FMN1: variants seen among roughly 807,000 people sequenced by gnomAD.
FMN1 encodes the protein formin 1.
Under a neutral mutation model 132.4 loss-of-function variants are expected in FMN1, and 110 were observed. The observed-to-expected ratio is 0.83, with a 90% CI of 0.71 to 0.97. FMN1 has a LOEUF of 0.97. FMN1 is among the 50% of genes least tolerant of loss of function. FMN1 has a pLI of 0.00. For synonymous variants in FMN1, 722 were observed against 651.7 expected (o/e 1.11, Z -1.64); for missense variants, 1,792 against 1,705.3 (o/e 1.05, Z -0.90).
chr15:32,889,778 AT>A (rs1286495980), intron 15 of FMN1, among the ~76,000 whole-genome samples: 2 of 151,952 alleles, frequency 1.3e-5, no homozygotes, highest in East Asian at 3.9e-4. Context: ...ATCACCATTA[AT>A]TTTTTTCCCA....
At chr15:32,919,265 T>TA (rs2060760816) in intron 10 of FMN1, among the ~76,000 whole-genome samples, 1 of 152,214 alleles carries the variant, frequency 6.6e-6, no homozygotes, top group Admixed American at 6.5e-5. Flanking sequence ...ACCCCAGATT[T>TA]AAGATAATCC....
At chr15:32,985,887 T>A (rs1213029499) in intron 7 of FMN1, among the ~76,000 whole-genome samples, 1 of 152,142 alleles carries the variant, frequency 6.6e-6, no homozygotes, top group African/African-American at 2.4e-5. Flanking sequence ...CACATTTTAA[T>A]TGGTAAGAAT....
At chr15:32,779,297 G>C (rs2056587719) in intron 19 of FMN1, among the ~76,000 whole-genome samples, 1 of 152,146 alleles carries the variant, frequency 6.6e-6, no homozygotes, top group African/African-American at 2.4e-5. Context: ...CACTTTAAAA[G>C]GGTGAATTTT....
intron 5 of FMN1, among the ~76,000 whole-genome samples, chr15:33,072,966 T>C (rs2038057255): frequency 6.6e-6 from 1 of 151,348 alleles, no homozygotes; most frequent in Non-Finnish European, 1.5e-5. Flanking sequence ...CTAGTAAGTG[T>C]ATACCTAGTG....
chr15:32,973,932 G>C (rs1226557105), intron 7 of FMN1, among the ~76,000 whole-genome samples: 2 of 152,118 alleles, frequency 1.3e-5, no homozygotes, highest in Non-Finnish European at 2.9e-5. Context: ...CAGCTAGAAA[G>C]ACTGGTAATG....
At chr15:32,831,742 GC>G (rs1398434186) in intron 17 of FMN1, among the ~76,000 whole-genome samples, 3 of 142,084 alleles carry the variant, frequency 2.1e-5, no homozygotes, top group Non-Finnish European at 4.6e-5. Flanking sequence ...AAAGAATGCA[GC>G]CTTTTTTTTT....
At chr15:32,790,662 C>T (rs1237543522) in intron 19 of FMN1, among the ~76,000 whole-genome samples, 3 of 152,178 alleles carry the variant, frequency 2.0e-5, no homozygotes, top group African/African-American at 7.2e-5. Context: ...AAACTATCTG[C>T]TTAGGGTGGT....
intron 4 of FMN1, among the ~76,000 whole-genome samples, chr15:33,093,134 CCCATCATA>C (rs1219250239): frequency 1.3e-5 from 2 of 152,200 alleles, no homozygotes; most frequent in African/African-American, 4.8e-5. Context: ...CTCTAATTCT[CCCATCATA>C]CCAAGCCCTC....
At chr15:32,896,932 G>T (rs546054516) in intron 15 of FMN1, among the ~76,000 whole-genome samples, 4 of 152,300 alleles carry the variant, frequency 2.6e-5, no homozygotes, top group African/African-American at 7.2e-5. Flanking sequence ...ATACCCAGAA[G>T]TGAGATTGTC....
intron 3 of FMN1, among the ~76,000 whole-genome samples, chr15:33,164,553 C>T (rs917463000): frequency 6.6e-5 from 10 of 152,178 alleles, no homozygotes; most frequent in East Asian, 3.8e-4. Context: ...ACAAGGTGTG[C>T]GCATTGAAGA....
At chr15:33,100,924 A>C (rs1405677581) in intron 4 of FMN1, among the ~76,000 whole-genome samples, 1 of 152,226 alleles carries the variant, frequency 6.6e-6, no homozygotes, top group African/African-American at 2.4e-5. Context: ...ATACATAAGA[A>C]AATGTTCACA....
At chr15:33,019,377 A>G (rs1025502048) in intron 6 of FMN1, among the ~76,000 whole-genome samples, 7 of 152,170 alleles carry the variant, frequency 4.6e-5, no homozygotes, top group Non-Finnish European at 8.8e-5. Flanking sequence ...AGCCAGACAT[A>G]AAGATTCTCC....
At chr15:33,010,649 T>G (rs189382709) in intron 6 of FMN1, among the ~76,000 whole-genome samples, 1 of 152,122 alleles carries the variant, frequency 6.6e-6, no homozygotes, top group East Asian at 1.9e-4. Context: ...AAGGAAGGTA[T>G]TATTCTCTAT....
At chr15:33,127,348 C>CT (rs1963188164) in intron 4 of FMN1, among the ~76,000 whole-genome samples, 1 of 148,100 alleles carries the variant, frequency 6.8e-6, no homozygotes, top group South Asian at 2.3e-4. Context: ...CTAAATCCCT[C>CT]TAAATAACTT....
intron 3 of FMN1, among the ~76,000 whole-genome samples, chr15:33,178,067 A>G (rs981757501): frequency 1.3e-5 from 2 of 152,178 alleles, no homozygotes; most frequent in Admixed American, 1.3e-4. Context: ...CCAATCCTTC[A>G]TCAGGAATAT....
At chr15:32,995,512 TA>T (rs1457383748) in intron 7 of FMN1, among the ~76,000 whole-genome samples, 1 of 152,210 alleles carries the variant, frequency 6.6e-6, no homozygotes, top group East Asian at 1.9e-4. Flanking sequence ...ATATGAGGAT[TA>T]AATAAAATAA....
chr15:33,077,008 G>A lies in FMN1; in HGVS notation c.2043+11791C>T, dbSNP rs73378544. Among the ~76,000 whole-genome samples the A allele has an allele frequency of 3.1e-3, 475 of 152,262 alleles. 1 individual carries two copies. Among genetic ancestry groups the A allele is most frequent in the African/African-American group, 0.01 (436 of 41,552 alleles). On this transcript the variant is annotated intron_variant, in intron 5 of 20. Coordinates refer to ENST00000616417, the MANE Select transcript of FMN1 (RefSeq NM_001277313.2). ...ATGCACTAAAATTGCAAAGGAGAAGGTAAGTCAGGCATTGCCACAGCTATG... is the reference window on the plus strand; with the variant it reads ...ATGCACTAAAATTGCAAAGGAGAAGATAAGTCAGGCATTGCCACAGCTATG...
At chr15:33,083,123 G>A (rs1427223789) in intron 5 of FMN1, among the ~76,000 whole-genome samples, 1 of 152,122 alleles carries the variant, frequency 6.6e-6, no homozygotes, top group Non-Finnish European at 1.5e-5. Flanking sequence ...CTGATATAAT[G>A]AGAAATACAC....
intron 5 of FMN1, among the ~76,000 whole-genome samples, chr15:33,076,237 C>A (rs1046029576): frequency 2.6e-5 from 4 of 152,160 alleles, no homozygotes; most frequent in Non-Finnish European, 5.9e-5. Flanking sequence ...CTAATGACAG[C>A]AGAAGGCATG....
Sources: allele counts gnomAD v4.1 joint callset (sites outside exome capture counted in the v4.1 genomes callset), GRCh38; gene constraint gnomAD v4.1.1; transcripts MANE v1.5; gene names NCBI Gene and HGNC (gene_info 2026-07-23, HGNC 2026-07-21).